The following EGFLAM variants were observed in gnomAD, a reference collection of about 807,000 sequenced individuals.
EGFLAM encodes the protein pikachurin.
EGFLAM carries 79 observed loss-of-function variants against 113.1 expected under a neutral mutation model. The observed-to-expected ratio is 0.70, with a 90% confidence interval of 0.58 to 0.84. The LOEUF is 0.84. Ranked by LOEUF, EGFLAM falls within the 40% of genes least tolerant of loss-of-function variation. The pLI, the probability that EGFLAM is intolerant of heterozygous loss-of-function variation, is 0.00. For synonymous variants in EGFLAM, 504 were observed against 487.6 expected (o/e 1.03, Z -0.44); for missense variants, 1,265 against 1,291.6 (o/e 0.98, Z 0.32).
At chr5:38,369,127 T>C (rs1304166211) in intron 5 of EGFLAM, among the ~76,000 whole-genome samples, 1 of 152,196 alleles carries the variant, frequency 6.6e-6, no homozygotes, top group Non-Finnish European at 1.5e-5. Flanking sequence ...CATAGAGCAG[T>C]GCTATCCAGT....
rs747950228 is a variant in EGFLAM at position 38,458,380 on chromosome 5, A to C, written c.2757A>C (p.Arg919=). The C allele has an allele frequency of 5.6e-6, 9 of 1,613,836 alleles. No homozygotes were observed. Among genetic ancestry groups the C allele is most frequent in the Non-Finnish European group, 7.6e-6 (9 of 1,179,968 alleles). Residue 919 remains arginine, a synonymous_variant, in exon 20 of 22, where the codon CGA becomes CGC. Transcript: ENST00000322350. ...CCTTCAACGATGGTCGGTGGCACCGAGTTAAGGCCGTTAGGTGAGTCCCTC... is the reference window on the plus strand; with the variant it reads ...CCTTCAACGATGGTCGGTGGCACCGCGTTAAGGCCGTTAGGTGAGTCCCTC... ...NGSFNDGRWH[R]VKAVRDGQSG... is the part of the protein sequence containing the mutation.
At chr5:38,437,826 A>G (rs16903970) in intron 16 of EGFLAM, among the ~76,000 whole-genome samples, 1,664 of 152,276 alleles carry the variant, frequency 0.011, 25 homozygotes, top group African/African-American at 0.037. Flanking sequence ...TGACAAGACT[A>G]TGAAAGTAGA....
In EGFLAM at chr5:38,391,654, C is replaced by T. The variant is rs550272180; in HGVS notation, c.713-14472C>T. 6.6e-5 allele frequency among the ~76,000 whole-genome samples: 10 copies of T among 152,248 alleles called. No homozygotes were observed. The South Asian group carries it at 2.1e-3, about 32-fold the overall frequency. Reference sequence around the variant, plus strand: ...TCAAGTGATCCGCCCACCTCGGCCTCCCAAAGTGCTAGGATTACAGGCATG... The same window carrying T: ...TCAAGTGATCCGCCCACCTCGGCCTTCCAAAGTGCTAGGATTACAGGCATG... On this transcript the variant is annotated intron_variant, in intron 6 of 21. Transcript: ENST00000322350.
chr5:38,363,967 A>G (rs765802640), intron 5 of EGFLAM, among the ~76,000 whole-genome samples: 4 of 152,226 alleles, frequency 2.6e-5, no homozygotes, highest in Non-Finnish European at 4.4e-5. Flanking sequence ...GTTAAACAGT[A>G]CCTAAATGGG....
intron 1 of EGFLAM, among the ~76,000 whole-genome samples, chr5:38,259,264 G>A (rs1579693267): frequency 6.6e-6 from 1 of 152,194 alleles, no homozygotes; most frequent in East Asian, 1.9e-4. Flanking sequence ...TTAAGTGTCT[G>A]AAGGGTTGCC....
intron 10 of EGFLAM, 45 bp from the exon 11 acceptor site, chr5:38,412,459 G>A (rs760160350): frequency 6.2e-7 from 1 of 1,613,738 alleles, no homozygotes; most frequent in Non-Finnish European, 8.5e-7. Context: ...AAACATAATG[G>A]CCTGGTTCGT....
chr5:38,329,609 C>G (rs1475495661), intron 1 of EGFLAM, among the ~76,000 whole-genome samples: 4 of 152,098 alleles, frequency 2.6e-5, no homozygotes, highest in African/African-American at 9.7e-5. Flanking sequence ...TTTCACTACC[C>G]CCATCCACCC....
chr5:38,289,273 C>CT (rs1213306607), intron 1 of EGFLAM, among the ~76,000 whole-genome samples: 1 of 149,170 alleles, frequency 6.7e-6, no homozygotes, highest in Non-Finnish European at 1.5e-5. Context: ...CTTTCTTTCC[C>CT]CGCCCCCACA....
At chr5:38,457,461 G>A (rs35824846) in intron 19 of EGFLAM, among the ~76,000 whole-genome samples, 2,487 of 152,250 alleles carry the variant, frequency 0.016, 28 homozygotes, top group Middle Eastern at 0.031. Context: ...TCCTTGGCTT[G>A]GAGATGCCCC....
chr5:38,424,895 G>A, intron 12 of EGFLAM, 72 bp from the exon 13 acceptor site: 1 of 1,566,960 alleles, frequency 6.4e-7, no homozygotes, highest in Non-Finnish European at 8.7e-7. Flanking sequence ...TGAGCTGCTG[G>A]TGGGGTCAGC....
intron 1 of EGFLAM, among the ~76,000 whole-genome samples, chr5:38,326,869 GC>G (rs1266431638): frequency 8.7e-5 from 13 of 149,954 alleles, no homozygotes; most frequent in Non-Finnish European, 3.0e-5. Context: ...CGCAATCTCG[GC>G]TCACAGCAAC....
In EGFLAM at chr5:38,301,763, G is replaced by A. The variant is rs2451017; in HGVS notation, c.98-35757G>A. 4.1e-3 allele frequency among the ~76,000 whole-genome samples: 622 copies of A among 152,266 alleles called. 5 individuals are homozygous for A. The highest frequency in any genetic ancestry group is 0.014 in the African/African-American group (592 of 41,544). On this transcript the variant is annotated intron_variant, in intron 1 of 21. Coordinates refer to ENST00000322350, the MANE Select transcript of EGFLAM (RefSeq NM_152403.4). ...TAATAATGGGAAGAAAAAGAGCTAC[G>A]TTAAGGTTGAAACTTGTTACATTCT...
Position 38,258,708 on chromosome 5 carries a change from C to T in EGFLAM, c.-47C>T, listed in dbSNP as rs1471825246. ...CACGCGCCCCCGGAGACGCCCTTTC[C>T]GTGTGCGCCCGGGACTTGGTGAAAC... On this transcript the variant is annotated 5_prime_UTR_variant, in exon 1 of 22. Coordinates refer to ENST00000322350, the MANE Select transcript of EGFLAM (RefSeq NM_152403.4). 1.1e-5 allele frequency: 18 copies of T among 1,569,592 alleles called. No individual in the cohort carries two copies. The highest frequency in any genetic ancestry group is 1.6e-5 in the Non-Finnish European group (18 of 1,155,090).
chr5:38,262,141 C>G (rs540639034), intron 1 of EGFLAM, among the ~76,000 whole-genome samples: 1 of 152,312 alleles, frequency 6.6e-6, no homozygotes, highest in East Asian at 1.9e-4. Flanking sequence ...GGAACTGGCA[C>G]CTGGACCTCC....
rs191403428 is a variant in EGFLAM, at chr5:38,281,384, T to C, written c.97+22533T>C. On this transcript the variant is annotated intron_variant, in intron 1 of 21. Coordinates refer to ENST00000322350, the MANE Select transcript of EGFLAM (RefSeq NM_152403.4). ...CAAATAATTTTATAAAAAAAAATCA[T>C]TGGATCAAACAAATAATTTTTAATG... 1.4e-4 allele frequency among the ~76,000 whole-genome samples: 22 copies of C among 152,238 alleles called. No homozygotes were observed. The East Asian group carries it at 3.3e-3, about 23-fold the overall frequency.
chr5:38,401,611 G>T (rs530085380), intron 6 of EGFLAM, among the ~76,000 whole-genome samples: 2 of 152,180 alleles, frequency 1.3e-5, no homozygotes, highest in Non-Finnish European at 2.9e-5. Context: ...TGTTGAGCAA[G>T]GGCAGGACAT....
chr5:38,387,229 A>T (rs1334725855), intron 6 of EGFLAM, among the ~76,000 whole-genome samples: 1 of 152,194 alleles, frequency 6.6e-6, no homozygotes. Flanking sequence ...TGTTGGGCTA[A>T]TATAAAACCA....
At chr5:38,425,277 A>T (rs1302382097) in intron 13 of EGFLAM, among the ~76,000 whole-genome samples, 185 bp downstream of exon 13, 1 of 152,128 alleles carries the variant, frequency 6.6e-6, no homozygotes, top group Non-Finnish European at 1.5e-5. Flanking sequence ...TCCCGGGTTC[A>T]AGTGATTCTC....
At chr5:38,329,400 G>C (rs550382476) in intron 1 of EGFLAM, among the ~76,000 whole-genome samples, 5 of 152,126 alleles carry the variant, frequency 3.3e-5, no homozygotes, top group African/African-American at 1.2e-4. Context: ...ATATTTAACT[G>C]ATGCATCTGG....
Sources: allele counts gnomAD v4.1 joint callset (sites outside exome capture counted in the v4.1 genomes callset), GRCh38; gene constraint gnomAD v4.1.1; transcripts MANE v1.5; gene names NCBI Gene and HGNC (gene_info 2026-07-23, HGNC 2026-07-21).